Variants in MTIF3 observed in about 807,000 individuals in gnomAD.
The protein encoded by MTIF3 is mitochondrial translational initiation factor 3.
In MTIF3, 13 loss-of-function variants were observed where a neutral mutation model predicts 20.7. The observed-to-expected ratio is 0.63, with a 90% CI of 0.41 to 1.00. The LOEUF (loss-of-function observed/expected upper bound fraction) is 1.00, where lower values mean the gene tolerates loss of function less well. MTIF3 is among the 50% of genes least tolerant of loss of function. The pLI is 0.00. For synonymous variants in MTIF3, 114 were observed against 112.5 expected, an observed-to-expected ratio of 1.01 and a Z score of -0.08; for missense variants, 295 against 324.5, an observed-to-expected ratio of 0.91 and a Z score of 0.70.
chr13:27,448,724 G>C (rs1335975842), intron 1 of MTIF3, among the ~76,000 whole-genome samples: 1 of 152,196 alleles, frequency 6.6e-6, no homozygotes, highest in Non-Finnish European at 1.5e-5. Flanking sequence ...TAAACCCAGA[G>C]CTAAAGACTC....
At chr13:27,436,812 C>T (rs181898649) in intron 4 of MTIF3, among the ~76,000 whole-genome samples, 11 of 127,648 alleles carry the variant, frequency 8.6e-5, no homozygotes, top group East Asian at 6.9e-4. Context: ...AGTGCAGTGG[C>T]GCGATCTCGG....
intron 1 of MTIF3, among the ~76,000 whole-genome samples, chr13:27,445,461 G>C (rs1954151625): frequency 6.6e-6 from 1 of 151,510 alleles, no homozygotes. Flanking sequence ...GGACAACAGA[G>C]CAAGACCCTG....
intron 3 of MTIF3, among the ~76,000 whole-genome samples, chr13:27,438,468 C>G: frequency 7.2e-6 from 1 of 139,622 alleles, no homozygotes; most frequent in African/African-American, 2.7e-5. Context: ...CCAGCCTGGG[C>G]AACAGAGCAA....
At chr13:27,437,736 T>C (rs1953839009) in intron 3 of MTIF3, among the ~76,000 whole-genome samples, 1 of 152,110 alleles carries the variant, frequency 6.6e-6, no homozygotes, top group South Asian at 2.1e-4. Flanking sequence ...TCCTGCCTAC[T>C]GGAAAATTAT....
At chr13:27,446,376 G>A (rs1954182672) in intron 1 of MTIF3, among the ~76,000 whole-genome samples, 1 of 152,150 alleles carries the variant, frequency 6.6e-6, no homozygotes, top group Admixed American at 6.5e-5. Context: ...TCTTAGGTGT[G>A]AAAATGGAAT....
chr13:27,436,365 A>G (rs539252570), intron 4 of MTIF3, among the ~76,000 whole-genome samples: 2 of 152,200 alleles, frequency 1.3e-5, no homozygotes, highest in African/African-American at 4.8e-5. Context: ...GTGGAGCTGG[A>G]TTACTAAGGA....
chr13:27,449,937 A>G (rs1307112890), intron 1 of MTIF3: 1 of 152,276 alleles, frequency 6.6e-6, no homozygotes, highest in African/African-American at 2.4e-5. Flanking sequence ...CAAATGAGAA[A>G]AAAAATCCCA....
intron 2 of MTIF3, among the ~76,000 whole-genome samples, chr13:27,444,714 G>C (rs1010863104): frequency 2.0e-5 from 3 of 152,136 alleles, no homozygotes; most frequent in Non-Finnish European, 4.4e-5. Context: ...TGCTTTCAAA[G>C]TAAATCCTAC....
At position 27,439,885 on chromosome 13, in the gene MTIF3, T is replaced by C. The variant is rs1953933172; in HGVS notation, c.460+104A>G. The C allele has an allele frequency of 3.1e-6, 3 of 973,984 alleles. No individual in the cohort carries two copies. In the Admixed American group the frequency reaches 8.1e-5, roughly 26 times the overall value. 60.3% of individuals were successfully genotyped at this position (973,984 alleles called of 1,614,324 possible). ...GGTGGTTGAATCATGAATTTTCTAG[T>C]TTCTCATTTCCCTCTTGTCACAGGC... On this transcript the variant is annotated intron_variant, in intron 3 of 4. Coordinates refer to ENST00000381120, the MANE Select transcript of MTIF3 (RefSeq NM_152912.5).
chr13:27,447,724 T>C (rs1169990472), intron 1 of MTIF3, among the ~76,000 whole-genome samples: 1 of 308 alleles, frequency 3.2e-3, no homozygotes, highest in South Asian at 0.25. Flanking sequence ...TGTTCTGATT[T>C]TTTCCCATCA....
At chr13:27,439,915 T>C in intron 3 of MTIF3, 74 bp downstream of exon 3, 1 of 1,348,044 alleles carries the variant, frequency 7.4e-7, no homozygotes, top group Non-Finnish European at 1.0e-6. Flanking sequence ...ACAGGCACCT[T>C]GACAAATGCT....
rs1205353256 is a variant in MTIF3 at position 27,445,167 on chromosome 13, CAAAA to C, written c.-70-15_-70-12del. The stretch of plus-strand genomic sequence containing the variant: ...AGAGAAGAATGACAGCTAATAAACA[CAAAA>C]GAAAAGTAAAAGTAATTAGAAAATC... On this transcript the variant is annotated splice_polypyrimidine_tract_variant and intron_variant, in intron 1 of 4. Transcript: ENST00000381120. The C allele has an allele frequency of 1.3e-5, 2 of 152,056 alleles. No individual in the cohort carries two copies. Among genetic ancestry groups the C allele is most frequent in the Non-Finnish European group, 2.9e-5 (2 of 68,008 alleles). The allele number at this position is 152,056 out of a possible 1,614,324, so 9.4% of individuals were successfully genotyped here. A position where few individuals can be genotyped will look rare whatever the true frequency, so the allele number is the denominator to read the frequency against.
Position 27,440,139 on chromosome 13 carries a change from T to A in MTIF3, c.310A>T (p.Asn104Tyr). 1 of 1,614,212 alleles carries A rather than the reference T, an allele frequency of 6.2e-7. No individual in the cohort carries two copies. Residue 104 changes from asparagine (N) to tyrosine (Y), a missense_variant, in exon 3 of 5, where the codon AAT becomes TAT. Coordinates refer to ENST00000381120, the MANE Select transcript of MTIF3 (RefSeq NM_152912.5). ...CGCTCATCCATAAGTCTAATCACAT[T>A]TGCTCGGTGCATGTTTCCCAAATCA... ...GNDLGNMHRA[N>Y]VIRLMDERDL...
At position 27,435,910 on chromosome 13, in the gene MTIF3, G is replaced by A; in HGVS notation, c.619-17C>T. On this transcript the variant is annotated splice_polypyrimidine_tract_variant and intron_variant, in intron 4 of 4. Transcript: ENST00000381120. ...TATCTCCTCCTAAAAAAGGGAAACA[G>A]CCAAAGATTAATTTAAAATCAGAGG... 6.3e-7 allele frequency: 1 copy of A among 1,584,096 alleles called. No individual in the cohort carries two copies. The highest frequency in any genetic ancestry group is 8.7e-7 in the Non-Finnish European group (1 of 1,155,918).
intron 2 of MTIF3, among the ~76,000 whole-genome samples, chr13:27,444,557 A>C (rs189561496): frequency 2.6e-5 from 4 of 152,354 alleles, no homozygotes; most frequent in Non-Finnish European, 5.9e-5. Context: ...GTAATATTAC[A>C]TTTAAATTGC....
At chr13:27,437,509 C>T (rs528606170) in intron 3 of MTIF3, among the ~76,000 whole-genome samples, 1 of 152,340 alleles carries the variant, frequency 6.6e-6, no homozygotes, top group South Asian at 2.1e-4. Flanking sequence ...TTATTGTTAA[C>T]CATCGTTTGT....
chr13:27,438,911 G>A (rs1414352936), intron 3 of MTIF3, among the ~76,000 whole-genome samples: 1 of 149,314 alleles, frequency 6.7e-6, no homozygotes, highest in Non-Finnish European at 1.5e-5. Flanking sequence ...AAACTGAGCC[G>A]CAGATAACAT....
chr13:27,435,802 A>G lies in MTIF3; in HGVS notation c.710T>C (p.Met237Thr), dbSNP rs750921639. 3.5e-5 allele frequency: 57 copies of G among 1,614,096 alleles called. No individual in the cohort carries two copies. Among genetic ancestry groups the G allele is most frequent in the Non-Finnish European group, 4.8e-5 (57 of 1,180,040 alleles). The change falls in exon 5 of 5, where the codon ATG becomes ACG. Residue 237 changes from methionine (M) to threonine (T), a missense_variant. By Grantham distance (81) the Met-to-Thr change is moderately conservative. Coordinates refer to ENST00000381120, the MANE Select transcript of MTIF3 (RefSeq NM_152912.5). Reference sequence around the variant, plus strand: ...TTTGCTGAAAGCACGAAGAACACACATTAAAGCTTTTCCTCCTTGAACAGC... The same window carrying G: ...TTTGCTGAAAGCACGAAGAACACACGTTAAAGCTTTTCCTCCTTGAACAGC... ...PQAVQGGKAL[M>T]CVLRAFSKNE... is the part of the protein sequence containing the mutation.
At chr13:27,438,331 A>AG in intron 3 of MTIF3, among the ~76,000 whole-genome samples, 1 of 150,152 alleles carries the variant, frequency 6.7e-6, no homozygotes, top group East Asian at 2.0e-4. Context: ...AAAAAAAAAA[A>AG]AAAAAAAAAA....
Sources: gnomAD v4.1 joint callset for allele counts (sites outside exome capture counted in the v4.1 genomes callset) on GRCh38, gnomAD v4.1.1 for gene constraint, MANE v1.5 for transcripts, NCBI Gene and HGNC (gene_info 2026-07-23, HGNC 2026-07-21) for gene names.